DGKB: variants seen among roughly 807,000 people sequenced by gnomAD.
The protein encoded by DGKB is diacylglycerol kinase beta.
A neutral mutation model predicts 114.3 loss-of-function variants in DGKB; 67 were observed. The ratio of observed to expected loss-of-function variants is 0.59; its 90% CI spans 0.48 to 0.72. The LOEUF is 0.72. DGKB is among the 30% of genes least tolerant of loss of function. The pLI, the probability that DGKB is intolerant of heterozygous loss-of-function variation, is 0.00. For synonymous variants in DGKB, 398 were observed against 323.1 expected (o/e 1.23, Z -2.49); for missense variants, 907 against 975.2 (o/e 0.93, Z 0.93).
At chr7:14,201,923 G>A (rs1785953645) in intron 23 of DGKB, among the ~76,000 whole-genome samples, 1 of 151,950 alleles carries the variant, frequency 6.6e-6, no homozygotes, top group African/African-American at 2.4e-5. Flanking sequence ...ATTATATTAA[G>A]TACACTTGAA....
chr7:14,687,727 A>G (rs964481818), intron 9 of DGKB, among the ~76,000 whole-genome samples: 1 of 152,230 alleles, frequency 6.6e-6, no homozygotes, highest in African/African-American at 2.4e-5. Context: ...ATTTTCGTAT[A>G]TATTACTGTT....
intron 23 of DGKB, among the ~76,000 whole-genome samples, chr7:14,304,708 T>C (rs1804182125): frequency 6.6e-6 from 1 of 152,160 alleles, no homozygotes; most frequent in Non-Finnish European, 1.5e-5. Flanking sequence ...AAATACAATG[T>C]TTCTTTCAAT....
intron 21 of DGKB, among the ~76,000 whole-genome samples, chr7:14,346,058 T>C (rs1020034165): frequency 1.3e-5 from 2 of 151,594 alleles, no homozygotes; most frequent in East Asian, 1.9e-4. Context: ...ATTCTAATAG[T>C]GATCATGCCC....
At chr7:14,241,469 C>T (rs756202960) in intron 23 of DGKB, among the ~76,000 whole-genome samples, 6 of 151,490 alleles carry the variant, frequency 4.0e-5, no homozygotes, top group Non-Finnish European at 5.9e-5. Context: ...ATATAAAAAA[C>T]GACATATAAG....
chr7:14,238,242 T>C (rs1261021493), intron 23 of DGKB, among the ~76,000 whole-genome samples: 1 of 151,988 alleles, frequency 6.6e-6, no homozygotes, highest in African/African-American at 2.4e-5. Context: ...ATTTCCCCCA[T>C]GCTTTCTCAT....
chr7:14,388,826 A>G (rs185986452), intron 21 of DGKB, among the ~76,000 whole-genome samples: 3 of 152,312 alleles, frequency 2.0e-5, no homozygotes, highest in East Asian at 1.9e-4. Context: ...AACTGAGGAA[A>G]GAGCACAGAG....
intron 23 of DGKB, among the ~76,000 whole-genome samples, chr7:14,256,577 C>T (rs1796002834): frequency 6.6e-6 from 1 of 151,778 alleles, no homozygotes; most frequent in Non-Finnish European, 1.5e-5. Context: ...ATGAAATGAT[C>T]TGTTTTACAT....
chr7:14,173,971 T>C (rs942636553), intron 25 of DGKB, among the ~76,000 whole-genome samples: 3 of 152,350 alleles, frequency 2.0e-5, no homozygotes, highest in Middle Eastern at 3.4e-3. Flanking sequence ...GTCTTATTAC[T>C]TATTGAAATA....
chr7:14,723,561 GTA>G (rs914934756), intron 5 of DGKB, among the ~76,000 whole-genome samples: 3 of 149,180 alleles, frequency 2.0e-5, no homozygotes, highest in African/African-American at 5.1e-5. Flanking sequence ...GTGTGTGTGT[GTA>G]TATATATGTG....
At chr7:14,492,153 A>C (rs116104021) in intron 20 of DGKB, among the ~76,000 whole-genome samples, 2,316 of 152,210 alleles carry the variant, frequency 0.015, 60 homozygotes, top group African/African-American at 0.051. Context: ...TCTAGACATA[A>C]AACCTATAAG....
chr7:14,952,712 T>A (rs1786274382), intron 1 of DGKB, among the ~76,000 whole-genome samples: 2 of 151,920 alleles, frequency 1.3e-5, no homozygotes, highest in South Asian at 2.1e-4. Context: ...TGAGCAGAGA[T>A]CATGCCACTG....
intron 21 of DGKB, among the ~76,000 whole-genome samples, chr7:14,452,998 A>G (rs977360577): frequency 6.6e-6 from 1 of 152,158 alleles, no homozygotes; most frequent in East Asian, 1.9e-4. Flanking sequence ...TGGCTTAAAC[A>G]TTGTAACGTG....
upstream of DGKB, among the ~76,000 whole-genome samples, chr7:14,904,697 C>T (rs544428477): frequency 2.0e-5 from 3 of 152,230 alleles, no homozygotes; most frequent in African/African-American, 7.2e-5. Context: ...CGAATAGCAT[C>T]CAGAATTTTT....
intron 1 of DGKB, among the ~76,000 whole-genome samples, chr7:14,875,627 T>G (rs886364579): frequency 6.6e-6 from 1 of 152,206 alleles, no homozygotes; most frequent in Non-Finnish European, 1.5e-5. Flanking sequence ...ATGAAATTCA[T>G]GAAAATTAAT....
intron 9 of DGKB, among the ~76,000 whole-genome samples, chr7:14,689,525 T>C (rs1264160354): frequency 6.6e-6 from 1 of 152,148 alleles, no homozygotes; most frequent in Non-Finnish European, 1.5e-5. Flanking sequence ...GCAAAGAGAA[T>C]GCAGAGAAAA....
intron 20 of DGKB, among the ~76,000 whole-genome samples, chr7:14,562,432 G>C (rs2128674063): frequency 6.6e-6 from 1 of 152,324 alleles, no homozygotes; most frequent in African/African-American, 2.4e-5. Flanking sequence ...CAGAATGGCA[G>C]ATCCACTGGC....
At chr7:14,624,699 C>T (rs1412634813) in intron 14 of DGKB, among the ~76,000 whole-genome samples, 2 of 152,028 alleles carry the variant, frequency 1.3e-5, no homozygotes, top group African/African-American at 4.8e-5. Context: ...TGTAAACAAT[C>T]AGAAATAATA....
In DGKB at chr7:14,148,437, A is replaced by C. The variant is rs1415068155; in HGVS notation, c.*694T>G. 1 of 152,592 alleles carries C rather than the reference A, an allele frequency of 6.6e-6. No homozygotes were observed. Among genetic ancestry groups the C allele is most frequent in the Non-Finnish European group, 1.5e-5 (1 of 68,058 alleles). 9.5% of individuals were successfully genotyped at this position (152,592 alleles called of 1,614,324 possible). The stretch of plus-strand genomic sequence containing the variant: ...AAGGAACAAGGCTTGCCATATTACC[A>C]CACTTGACTGTCAAGTAACATGTTT... On this transcript the variant is annotated 3_prime_UTR_variant, in exon 26 of 26. Coordinates refer to ENST00000402815, the MANE Select transcript of DGKB (RefSeq NM_001350709.2).
chr7:14,802,500 A>G (rs1842299742), intron 2 of DGKB, among the ~76,000 whole-genome samples: 2 of 152,142 alleles, frequency 1.3e-5, no homozygotes, highest in African/African-American at 4.8e-5. Context: ...TAATTTCTGC[A>G]ATGTCTCTGA....
Sources: gnomAD v4.1 joint callset for allele counts (sites outside exome capture counted in the v4.1 genomes callset) on GRCh38, gnomAD v4.1.1 for gene constraint, MANE v1.5 for transcripts, NCBI Gene and HGNC (gene_info 2026-07-23, HGNC 2026-07-21) for gene names.